DNAJC11: variants seen among roughly 807,000 people sequenced by gnomAD.
The protein encoded by DNAJC11 is dnaJ homolog subfamily C member 11.
A neutral mutation model predicts 78.6 loss-of-function variants in DNAJC11; 15 were observed. The observed-to-expected ratio is 0.19, with a 90% CI of 0.13 to 0.29. The LOEUF (loss-of-function observed/expected upper bound fraction) is 0.29, where lower values mean the gene tolerates loss of function less well. DNAJC11 is among the 10% of genes least tolerant of loss of function. The pLI, the probability that DNAJC11 is intolerant of heterozygous loss-of-function variation, is 1.00. For missense variants in DNAJC11, 547 were observed against 709.6 expected, an observed-to-expected ratio of 0.77 and a Z score of 2.60; for synonymous variants, 292 against 272.1, an observed-to-expected ratio of 1.07 and a Z score of -0.72.
In DNAJC11 at chr1:6,664,423, A is replaced by G. The variant is rs552685186; in HGVS notation, c.378+3286T>C. ...CCCGGCTAATTTTTGTATTTTTAGT[A>G]GAGACAGGGTTTCACCGTGTTAGCC... On this transcript the variant is annotated intron_variant, in intron 4 of 15. Transcript: ENST00000377577. Among the ~76,000 whole-genome samples, 115 of 152,188 alleles carry G rather than the reference A, an allele frequency of 7.6e-4. No homozygotes were observed. The South Asian group carries it at 0.016, about 21-fold the overall frequency.
chr1:6,682,989 G>T (rs1642578274), intron 1 of DNAJC11, among the ~76,000 whole-genome samples: 1 of 152,162 alleles, frequency 6.6e-6, no homozygotes, highest in African/African-American at 2.4e-5. Flanking sequence ...CGCTGGTTTG[G>T]AGAGAGGCAA....
chr1:6,677,158 C>CAAAAAAAAAAAAAAAAAAAAAAAAAAAAA, intron 3 of DNAJC11, among the ~76,000 whole-genome samples: 1 of 49,480 alleles, frequency 2.0e-5, no homozygotes, highest in Non-Finnish European at 4.1e-5. Context: ...AACTTGGTCT[C>CAAAAAAAAAAAAAAAAAAAAAAAAAAAAA]AAAAAAAAAA....
chr1:6,700,686 T>C (rs1179847983), intron 1 of DNAJC11, among the ~76,000 whole-genome samples: 1 of 152,232 alleles, frequency 6.6e-6, no homozygotes, highest in East Asian at 1.9e-4. Context: ...TCATTCAGCA[T>C]AGTGGTCCCA....
intron 12 of DNAJC11, 175 bp from the exon 13 acceptor site, chr1:6,637,679 T>G: frequency 1.4e-6 from 1 of 691,774 alleles, no homozygotes; most frequent in Middle Eastern, 4.0e-4. Flanking sequence ...CTGAAACTCC[T>G]AGACCTAGGG....
chr1:6,661,174 T>A (rs200451), intron 4 of DNAJC11, among the ~76,000 whole-genome samples: 77,863 of 152,038 alleles, frequency 0.51, 20,444 homozygotes, highest in Admixed American at 0.61. Flanking sequence ...TATCTGGCCA[T>A]GAGGGTAACA....
At chr1:6,687,900 A>G (rs967519797) in intron 1 of DNAJC11, among the ~76,000 whole-genome samples, 6 of 152,236 alleles carry the variant, frequency 3.9e-5, no homozygotes, top group Non-Finnish European at 8.8e-5. Flanking sequence ...CAAGTAGAAC[A>G]GGATTTAACG....
At chr1:6,636,658 T>G (rs1641779899) in intron 14 of DNAJC11, among the ~76,000 whole-genome samples, 1 of 152,152 alleles carries the variant, frequency 6.6e-6, no homozygotes, top group African/African-American at 2.4e-5. Flanking sequence ...CTGGTGTGAC[T>G]GGCACACACC....
intron 1 of DNAJC11, among the ~76,000 whole-genome samples, chr1:6,699,893 G>A (rs1490755631): frequency 2.0e-5 from 3 of 152,130 alleles, no homozygotes; most frequent in African/African-American, 7.2e-5. Context: ...TAGTACAGTG[G>A]CCCATACATT....
At chr1:6,681,115 G>C in intron 1 of DNAJC11, 78 bp from the exon 2 acceptor site, 2 of 1,475,206 alleles carry the variant, frequency 1.4e-6, no homozygotes, top group Non-Finnish European at 1.8e-6. Context: ...CCTTGAAATG[G>C]GAACCCATCA....
intron 7 of DNAJC11, among the ~76,000 whole-genome samples, chr1:6,650,599 C>T (rs186786530): frequency 2.6e-5 from 4 of 152,148 alleles, no homozygotes; most frequent in Admixed American, 1.3e-4. Context: ...ATAGGCCAGG[C>T]GTGGTGGCTC....
intron 3 of DNAJC11, 38 bp from the exon 4 acceptor site, chr1:6,667,848 C>G (rs1221289560): frequency 6.3e-7 from 1 of 1,587,626 alleles, no homozygotes. Flanking sequence ...AGTTGAGGAC[C>G]CAGGAGGTAA....
At chr1:6,669,438 C>T (rs1269513115) in intron 3 of DNAJC11, among the ~76,000 whole-genome samples, 2 of 151,396 alleles carry the variant, frequency 1.3e-5, no homozygotes, top group African/African-American at 2.4e-5. Context: ...TTGAACCCGG[C>T]AGGCGGAGTT....
chr1:6,637,644 A>T (rs1179661960), intron 12 of DNAJC11, 140 bp from the exon 13 acceptor site: 2 of 905,250 alleles, frequency 2.2e-6, no homozygotes, highest in Non-Finnish European at 3.5e-6. Context: ...GCACCCTGAC[A>T]GCTCTGCTAC....
intron 4 of DNAJC11, among the ~76,000 whole-genome samples, chr1:6,664,916 C>T (rs1315967031): frequency 6.6e-6 from 1 of 152,148 alleles, no homozygotes. Flanking sequence ...GAAATCCCTA[C>T]CTAATCTGCT....
intron 1 of DNAJC11, among the ~76,000 whole-genome samples, chr1:6,691,188 GA>G (rs5772249): frequency 0.023 from 2,832 of 125,126 alleles, 69 homozygotes; most frequent in African/African-American, 0.079. Context: ...CCCAAAGACT[GA>G]AAAAAAAAAA....
In DNAJC11 at chr1:6,701,287, G is replaced by C. The variant is rs1315650114; in HGVS notation, c.72+442C>G. ...GAAAAAGCCCTAAGGACGTTCCCTAGTGGCCTTGACCTTGGTGGGTGAGAC... is the reference window on the plus strand; with the variant it reads ...GAAAAAGCCCTAAGGACGTTCCCTACTGGCCTTGACCTTGGTGGGTGAGAC... On this transcript the variant is annotated intron_variant, in intron 1 of 15. Transcript: ENST00000377577. Among the ~76,000 whole-genome samples the C allele has an allele frequency of 2.0e-5, 3 of 152,170 alleles. No individual in the cohort carries two copies. The East Asian group carries it at 5.8e-4, about 29-fold the overall frequency.
At position 6,694,508 on chromosome 1, in the gene DNAJC11, T is replaced by C. The variant is rs192947841; in HGVS notation, c.72+7221A>G. Among the ~76,000 whole-genome samples, 71 of 152,230 alleles carry C rather than the reference T, an allele frequency of 4.7e-4. 1 individual carries two copies. The highest frequency in any genetic ancestry group is 1.5e-3 in the African/African-American group (63 of 41,550). ...GCGGTACAGCAGGACATCGTGCCCC[T>C]TCCCCAAGCTGACTTCAGAGTAAAT... On this transcript the variant is annotated intron_variant, in intron 1 of 15. Transcript: ENST00000377577.
chr1:6,664,012 G>A lies in DNAJC11; in HGVS notation c.378+3697C>T, dbSNP rs1216665674. Among the ~76,000 whole-genome samples, 3 of 152,182 alleles carry A rather than the reference G, an allele frequency of 2.0e-5. No individual in the cohort carries two copies. In the East Asian group the frequency reaches 5.8e-4, roughly 29 times the overall value. On this transcript the variant is annotated intron_variant, in intron 4 of 15. Transcript: ENST00000377577. ...TGCTGCCTCCCATGGATGTGCCTGT[G>A]TTCCTGCATGTGTGTGTGTGTGTGC...
chr1:6,647,545 C>A (rs904563199), intron 7 of DNAJC11, among the ~76,000 whole-genome samples: 7 of 151,768 alleles, frequency 4.6e-5, no homozygotes, highest in Non-Finnish European at 8.8e-5. Context: ...GTAGGCCGGG[C>A]GCGGTGGCTC....
Sources: allele counts gnomAD v4.1 joint callset (sites outside exome capture counted in the v4.1 genomes callset), GRCh38; gene constraint gnomAD v4.1.1; transcripts MANE v1.5; gene names NCBI Gene and HGNC (gene_info 2026-07-23, HGNC 2026-07-21).